CTNNA3: variants seen among roughly 807,000 people sequenced by gnomAD.
CTNNA3 encodes the protein catenin alpha-3.
CTNNA3 carries 76 observed loss-of-function variants against 95.7 expected under a neutral mutation model. The observed-to-expected ratio is 0.79, with a 90% CI of 0.66 to 0.96. The LOEUF (loss-of-function observed/expected upper bound fraction) is 0.96. Among genes scored for constraint, CTNNA3 ranks in the 40% least tolerant of loss-of-function variants. The pLI is 0.00. For synonymous variants in CTNNA3, 431 were observed against 374.4 expected (o/e 1.15, Z -1.74); for missense variants, 1,191 against 1,089.8 (o/e 1.09, Z -1.31).
rs1214438353 is a variant in CTNNA3, at chr10:66,619,479, G to T, written c.1374+2213C>A. 8.2e-5 allele frequency among the ~76,000 whole-genome samples: 9 copies of T among 109,946 alleles called. 1 individual carries two copies. The highest frequency in any genetic ancestry group is 2.4e-4 in the Admixed American group (2 of 8,418). The allele number at this position is 109,946 out of a possible 152,430, so 72.1% of individuals were successfully genotyped here. A position where few individuals can be genotyped will look rare whatever the true frequency, so the allele number is the denominator to read the frequency against. On this transcript the variant is annotated intron_variant, in intron 10 of 17. Coordinates refer to ENST00000433211, the MANE Select transcript of CTNNA3 (RefSeq NM_013266.4). ...CGCAAGGACAAAAAAAACAAACACC[G>T]CATTTTCTCACTCACAGGTGGGAAT...
chr10:66,539,251 G>A (rs1334463503), intron 10 of CTNNA3, among the ~76,000 whole-genome samples: 2 of 152,076 alleles, frequency 1.3e-5, no homozygotes, highest in East Asian at 3.9e-4. Context: ...AAGTGGGAGA[G>A]GGCAGGTAGA....
intron 7 of CTNNA3, among the ~76,000 whole-genome samples, chr10:66,938,755 C>T (rs1847850909): frequency 6.6e-6 from 1 of 151,994 alleles, no homozygotes; most frequent in African/African-American, 2.4e-5. Flanking sequence ...TCATTTTTTC[C>T]TGTGATAGTT....
intron 1 of CTNNA3, among the ~76,000 whole-genome samples, chr10:67,726,451 TATATATG>T (rs1341309158): frequency 2.0e-4 from 12 of 59,866 alleles, no homozygotes; most frequent in African/African-American, 8.2e-4. Flanking sequence ...TATATAATAT[TATATATG>T]ATATATGATA....
intron 1 of CTNNA3, chr10:67,750,321 T>C: frequency 6.6e-7 from 1 of 1,524,928 alleles, no homozygotes; most frequent in Non-Finnish European, 9.1e-7. Flanking sequence ...AAAGCCAAGA[T>C]GCCCATTGTG....
intron 11 of CTNNA3, among the ~76,000 whole-genome samples, chr10:66,399,218 C>A (rs2093001863): frequency 6.6e-6 from 1 of 151,782 alleles, no homozygotes; most frequent in Admixed American, 6.6e-5. Context: ...ACACCAGACA[C>A]CTGAGTTAAA....
chr10:66,206,462 T>C (rs79338888), intron 13 of CTNNA3, among the ~76,000 whole-genome samples: 11,618 of 151,872 alleles, frequency 0.076, 556 homozygotes, highest in Admixed American at 0.12. Flanking sequence ...ATATCACCCA[T>C]AGATTCATAC....
intron 11 of CTNNA3, among the ~76,000 whole-genome samples, chr10:66,425,252 G>A (rs1376510318): frequency 6.6e-6 from 1 of 150,786 alleles, no homozygotes; most frequent in Non-Finnish European, 1.5e-5. Flanking sequence ...AAGATTAGCA[G>A]TTAGTTTTTT....
At chr10:66,489,976 G>A (rs554618939) in intron 11 of CTNNA3, among the ~76,000 whole-genome samples, 1 of 152,306 alleles carries the variant, frequency 6.6e-6, no homozygotes, top group South Asian at 2.1e-4. Flanking sequence ...AGTAAACAAT[G>A]TTGGCGAAGG....
At chr10:66,352,515 C>T (rs1372793792) in intron 12 of CTNNA3, among the ~76,000 whole-genome samples, 1 of 152,098 alleles carries the variant, frequency 6.6e-6, no homozygotes. Context: ...GTTCTCAGCA[C>T]TGCATTGCGA....
chr10:66,132,787 C>G (rs944842914), intron 13 of CTNNA3, among the ~76,000 whole-genome samples: 16 of 152,060 alleles, frequency 1.1e-4, no homozygotes, highest in African/African-American at 3.9e-4. Context: ...CCTTAGCAAA[C>G]TAATGCAGGA....
At chr10:65,941,596 A>G (rs1222333982) in intron 17 of CTNNA3, among the ~76,000 whole-genome samples, 1 of 152,142 alleles carries the variant, frequency 6.6e-6, no homozygotes, top group African/African-American at 2.4e-5. Context: ...AGGGGTTTGT[A>G]TGGGGAAGGA....
intron 10 of CTNNA3, among the ~76,000 whole-genome samples, chr10:66,572,931 C>T (rs963175872): frequency 2.6e-5 from 4 of 152,114 alleles, no homozygotes; most frequent in Non-Finnish European, 5.9e-5. Context: ...CTGCCATCTG[C>T]TTATCAGATG....
intron 2 of CTNNA3, among the ~76,000 whole-genome samples, chr10:67,612,645 T>A (rs777690439): frequency 2.0e-5 from 3 of 152,160 alleles, no homozygotes; most frequent in Non-Finnish European, 2.9e-5. Context: ...TAATAGGTGA[T>A]AGAAAATGAA....
At chr10:67,564,698 T>C (rs1367412061) in intron 3 of CTNNA3, among the ~76,000 whole-genome samples, 3 of 80,356 alleles carry the variant, frequency 3.7e-5, no homozygotes, top group Non-Finnish European at 7.0e-5. Context: ...TATATATATA[T>C]ATATATATAT....
intron 12 of CTNNA3, among the ~76,000 whole-genome samples, chr10:66,366,562 C>T (rs967011722): frequency 1.8e-4 from 27 of 152,048 alleles, no homozygotes; most frequent in African/African-American, 6.0e-4. Flanking sequence ...TTGTCCTTTC[C>T]ACCACTTAGA....
At chr10:67,047,646 A>G (rs1402682899) in intron 7 of CTNNA3, among the ~76,000 whole-genome samples, 1 of 152,096 alleles carries the variant, frequency 6.6e-6, no homozygotes, top group East Asian at 1.9e-4. Flanking sequence ...TTGCTACTAT[A>G]TATTTATGAA....
chr10:67,447,721 T>G (rs1227784297), intron 5 of CTNNA3, among the ~76,000 whole-genome samples: 1 of 152,168 alleles, frequency 6.6e-6, no homozygotes, highest in East Asian at 1.9e-4. Context: ...TTATTCATCC[T>G]CATAGCTCTT....
chr10:66,762,883 T>G (rs114119701), intron 9 of CTNNA3, among the ~76,000 whole-genome samples: 53 of 152,188 alleles, frequency 3.5e-4, no homozygotes, highest in African/African-American at 1.2e-3. Flanking sequence ...CTCATTTAAG[T>G]CTTACTTCAA....
intron 15 of CTNNA3, among the ~76,000 whole-genome samples, chr10:66,061,348 T>C (rs2133571601): frequency 6.6e-6 from 1 of 152,216 alleles, no homozygotes; most frequent in Middle Eastern, 3.4e-3. Flanking sequence ...AAGTAATTTT[T>C]TCACACTGCT....
Sources: gnomAD v4.1 joint callset for allele counts (sites outside exome capture counted in the v4.1 genomes callset) on GRCh38, gnomAD v4.1.1 for gene constraint, MANE v1.5 for transcripts, NCBI Gene and HGNC (gene_info 2026-07-23, HGNC 2026-07-21) for gene names.